Variants in LRRC37A2 observed in about 807,000 individuals in gnomAD.
LRRC37A2 encodes leucine-rich repeat-containing protein 37A2.
Under a neutral mutation model 68.8 loss-of-function variants are expected in LRRC37A2, and 9 were observed. That is an observed-to-expected ratio of 0.13 (90% confidence interval 0.08 to 0.23). The LOEUF (loss-of-function observed/expected upper bound fraction) is 0.23. Ranked by LOEUF, LRRC37A2 falls within the 10% of genes least tolerant of loss-of-function variation. LRRC37A2 has a pLI of 1.00. For synonymous variants in LRRC37A2, 63 were observed against 367.6 expected (o/e 0.17, Z 9.48); for missense variants, 168 against 950.4 (o/e 0.18, Z 10.82).
chr17:46,992,853 CA>C, the LRRC37A2 span, among the ~76,000 whole-genome samples: 13,197 of 63,674 alleles, frequency 0.21, 332 homozygotes, highest in East Asian at 0.45. Context: ...AACTCCATCT[CA>C]AAAAAAAAAA....
chr17:46,761,320 GTTTT>G, the LRRC37A2 span, among the ~76,000 whole-genome samples: 4 of 148,622 alleles, frequency 2.7e-5, no homozygotes, highest in Non-Finnish European at 4.5e-5. Flanking sequence ...TATTTTCCTG[GTTTT>G]TTTTTGTTTG....
the LRRC37A2 span, among the ~76,000 whole-genome samples, chr17:46,832,117 C>G: frequency 6.6e-6 from 1 of 152,180 alleles, no homozygotes; most frequent in African/African-American, 2.4e-5. Flanking sequence ...AGACCGAGAC[C>G]CTGAAAGGTG....
the LRRC37A2 span, among the ~76,000 whole-genome samples, chr17:46,822,650 G>T: frequency 3.3e-5 from 5 of 152,226 alleles, no homozygotes; most frequent in Non-Finnish European, 7.3e-5. Flanking sequence ...GGTTAAGCAG[G>T]TGCCCTCCTG....
chr17:46,715,052 C>T, the LRRC37A2 span, among the ~76,000 whole-genome samples: 1 of 152,198 alleles, frequency 6.6e-6, no homozygotes, highest in Non-Finnish European at 1.5e-5. Context: ...AGAAGCTAGT[C>T]TCTTGTTTGT....
the LRRC37A2 span, among the ~76,000 whole-genome samples, chr17:46,708,246 T>G: frequency 6.6e-6 from 1 of 152,138 alleles, no homozygotes; most frequent in Non-Finnish European, 1.5e-5. Context: ...AATTCTATTT[T>G]TAATTTTTTG....
the LRRC37A2 span, among the ~76,000 whole-genome samples, chr17:46,786,636 C>CAGAT: frequency 6.6e-6 from 1 of 152,354 alleles, no homozygotes; most frequent in South Asian, 2.1e-4. Flanking sequence ...AGGTAAAGCC[C>CAGAT]AGATGCCCTG....
chr17:46,894,651 C>T, the LRRC37A2 span, among the ~76,000 whole-genome samples: 3 of 152,158 alleles, frequency 2.0e-5, no homozygotes, highest in Non-Finnish European at 4.4e-5. Flanking sequence ...CTAAGGCTGC[C>T]GCCTGCCACC....
the LRRC37A2 span, among the ~76,000 whole-genome samples, chr17:46,684,469 G>C: frequency 6.6e-5 from 10 of 152,094 alleles, no homozygotes; most frequent in Non-Finnish European, 1.3e-4. Context: ...TAATGGGATT[G>C]CTGGGTCAAA....
chr17:46,893,878 A>T, the LRRC37A2 span, among the ~76,000 whole-genome samples: 1 of 152,150 alleles, frequency 6.6e-6, no homozygotes, highest in Non-Finnish European at 1.5e-5. Flanking sequence ...CAGAGCATGG[A>T]TGTCATGCTT....
At chr17:46,661,378 TTTATTATTA>T in the LRRC37A2 span, among the ~76,000 whole-genome samples, 5 of 106,550 alleles carry the variant, frequency 4.7e-5, no homozygotes, top group East Asian at 1.7e-3. Flanking sequence ...TACATTTCTT[TTTATTATTA>T]TTATTATTAT....
the LRRC37A2 span, among the ~76,000 whole-genome samples, chr17:46,610,159 T>C: frequency 9.4e-6 from 1 of 106,652 alleles, no homozygotes; most frequent in Admixed American, 9.9e-5. Flanking sequence ...AGAGTTTGGG[T>C]CTCACTATAT....
chr17:46,846,498 A>C, the LRRC37A2 span, among the ~76,000 whole-genome samples: 1 of 152,364 alleles, frequency 6.6e-6, no homozygotes, highest in South Asian at 2.1e-4. Flanking sequence ...CAACATAGGC[A>C]CTGGCACAAA....
chr17:46,454,549 C>CTT, the LRRC37A2 span, among the ~76,000 whole-genome samples: 17 of 6,492 alleles, frequency 2.6e-3, no homozygotes, highest in African/African-American at 4.3e-3. Flanking sequence ...GAGGTGAAGT[C>CTT]TTTTTTTTTT....
At chr17:46,972,418 G>A in the LRRC37A2 span, among the ~76,000 whole-genome samples, 2 of 152,214 alleles carry the variant, frequency 1.3e-5, no homozygotes, top group African/African-American at 4.8e-5. Context: ...GGAGAACCTG[G>A]GACAGGAAAG....
At chr17:47,001,997 C>G in the LRRC37A2 span, among the ~76,000 whole-genome samples, 1 of 152,140 alleles carries the variant, frequency 6.6e-6, no homozygotes, top group Admixed American at 6.5e-5. Flanking sequence ...CCTCGGCCCC[C>G]CAAAGTGCTG....
chr17:46,990,063 C>G, the LRRC37A2 span, among the ~76,000 whole-genome samples: 37 of 152,326 alleles, frequency 2.4e-4, no homozygotes, highest in South Asian at 7.3e-3. Flanking sequence ...GAAATCTTCC[C>G]TGAGAATTTC....
the LRRC37A2 span, among the ~76,000 whole-genome samples, chr17:46,771,115 CCCGCGGCCGCTCT>C: frequency 1.3e-5 from 2 of 152,210 alleles, no homozygotes; most frequent in Non-Finnish European, 2.9e-5. Flanking sequence ...CCTCTTGGCT[CCCGCGGCCGCTCT>C]CCGCGGCCCC....
chr17:47,021,191 G>A, the LRRC37A2 span, among the ~76,000 whole-genome samples: 3 of 152,162 alleles, frequency 2.0e-5, no homozygotes, highest in Admixed American at 2.0e-4. Flanking sequence ...GAGATTACAT[G>A]ATCAAAACAG....
the LRRC37A2 span, among the ~76,000 whole-genome samples, chr17:46,825,447 C>A: frequency 5.6e-4 from 86 of 152,380 alleles, 1 homozygote; most frequent in Non-Finnish European, 1.2e-3. Flanking sequence ...ACATTGACTG[C>A]ATGCCTGCTG....
Sources: allele counts gnomAD v4.1 joint callset (sites outside exome capture counted in the v4.1 genomes callset), GRCh38; gene constraint gnomAD v4.1.1; transcripts MANE v1.5; gene names NCBI Gene and HGNC (gene_info 2026-07-23, HGNC 2026-07-21).